The following HTRA4 variants were observed in gnomAD, a reference collection of about 807,000 sequenced individuals.
The protein encoded by HTRA4 is HtrA serine peptidase 4, also known as serine protease HTRA4.
In HTRA4, 46 loss-of-function variants were observed where a neutral mutation model predicts 49.1. The observed-to-expected ratio is 0.94, with a 90% CI of 0.74 to 1.20. The LOEUF (loss-of-function observed/expected upper bound fraction) is 1.20. Ranked by LOEUF, HTRA4 falls within the 50% of genes most tolerant of loss-of-function variation. The pLI is 0.00. For synonymous variants in HTRA4, 261 were observed against 264.0 expected, an observed-to-expected ratio of 0.99 and a Z score of 0.11; for missense variants, 602 against 636.9, an observed-to-expected ratio of 0.95 and a Z score of 0.59.
chr8:38,974,969 C>G, intron 1 of HTRA4, 62 bp from the exon 2 acceptor site: 2 of 1,582,140 alleles, frequency 1.3e-6, no homozygotes, highest in Non-Finnish European at 1.7e-6. Context: ...TAACATTTTT[C>G]CAACTAGGAT....
chr8:38,981,783 ATTT>A lies in HTRA4; in HGVS notation c.1114+27_1114+29del. The A allele has an allele frequency of 1.6e-5, 21 of 1,287,028 alleles. No individual in the cohort carries two copies. Among genetic ancestry groups the A allele is most frequent in the East Asian group, 2.6e-5 (1 of 38,240 alleles). 79.7% of individuals were successfully genotyped at this position (1,287,028 alleles called of 1,614,324 possible). A position where few individuals can be genotyped will look rare whatever the true frequency, so the allele number is the denominator to read the frequency against. On this transcript the variant is annotated intron_variant, in intron 6 of 8. Coordinates refer to ENST00000302495, the MANE Select transcript of HTRA4 (RefSeq NM_153692.4). The stretch of plus-strand genomic sequence containing the variant: ...CAGATGAAAGGTAAAGCAAGTTGGG[ATTT>A]TTTTTTTTTTGGTTTCGTCTTGTGC...
intron 4 of HTRA4, among the ~76,000 whole-genome samples, 194 bp downstream of exon 4, chr8:38,978,341 C>A (rs1317285467): frequency 6.6e-6 from 1 of 152,204 alleles, no homozygotes; most frequent in East Asian, 1.9e-4. Flanking sequence ...GTGAACTGCG[C>A]ATGCAAGGGA....
chr8:38,985,410 C>T (rs1048530427), intron 8 of HTRA4, among the ~76,000 whole-genome samples: 2 of 152,168 alleles, frequency 1.3e-5, no homozygotes, highest in South Asian at 2.1e-4. Flanking sequence ...CCGCCTGCCT[C>T]GGGCTCCCAA....
rs770278174 is a variant in HTRA4, at chr8:38,974,705, C to T, written c.442C>T (p.Gln148Ter). 1.5e-4 allele frequency: 212 copies of T among 1,425,262 alleles called. No individual in the cohort carries two copies. Among genetic ancestry groups the T allele is most frequent in the Non-Finnish European group, 1.8e-4 (194 of 1,099,690 alleles). The allele number at this position is 1,425,262 out of a possible 1,614,324, so 88.3% of individuals were successfully genotyped here. ...RLGKVPAVPV[Q>*]WGNCGDTGTR... Reference sequence around the variant, plus strand: ...GGGCAAGGTCCCGGCCGTGCCTGTGCAGTGGGGGAACTGCGGGGATACAGG... The same window carrying T: ...GGGCAAGGTCCCGGCCGTGCCTGTGTAGTGGGGGAACTGCGGGGATACAGG... Residue 148 changes from glutamine (Q) to a stop codon, truncating the protein, a stop_gained, in exon 1 of 9, where the codon CAG becomes TAG. Transcript: ENST00000302495. LOFTEE classifies it high-confidence loss of function.
intron 8 of HTRA4, among the ~76,000 whole-genome samples, chr8:38,986,522 G>A (rs1835484435): frequency 6.6e-6 from 1 of 152,188 alleles, no homozygotes; most frequent in African/African-American, 2.4e-5. Context: ...ACACGCCTGT[G>A]GCTCCCAAAG....
In HTRA4 at chr8:38,974,237, G is replaced by A; in HGVS notation, c.-27G>A. On this transcript the variant is annotated 5_prime_UTR_variant, in exon 1 of 9. Coordinates refer to ENST00000302495, the MANE Select transcript of HTRA4 (RefSeq NM_153692.4). ...TTTGCAGGTCCAGAGTAAAGTCACT[G>A]AAGAGTGGAAGCGAGGAAGGAACAG... 4 of 1,610,268 alleles carry A rather than the reference G, an allele frequency of 2.5e-6. No individual in the cohort carries two copies. In the South Asian group the frequency reaches 4.4e-5, roughly 18 times the overall value.
intron 8 of HTRA4, among the ~76,000 whole-genome samples, chr8:38,985,026 A>ACAGC (rs1835467542): frequency 6.6e-6 from 1 of 152,210 alleles, no homozygotes; most frequent in Non-Finnish European, 1.5e-5. Flanking sequence ...TGTGTAATAA[A>ACAGC]GCAAAGGCTA....
intron 2 of HTRA4, among the ~76,000 whole-genome samples, chr8:38,975,355 T>C (rs1372503504): frequency 6.6e-6 from 1 of 152,226 alleles, no homozygotes; most frequent in African/African-American, 2.4e-5. Flanking sequence ...TGGCTGGTGC[T>C]TTTTCCCCCT....
chr8:38,979,093 C>G (rs754046168), intron 4 of HTRA4, 122 bp from the exon 5 acceptor site: 63 of 888,652 alleles, frequency 7.1e-5, no homozygotes, highest in Non-Finnish European at 1.2e-4. Flanking sequence ...ATTTTGCCGG[C>G]CTGGGGGGAA....
At chr8:38,977,329 T>C (rs779942359) in intron 3 of HTRA4, among the ~76,000 whole-genome samples, 83 of 151,872 alleles carry the variant, frequency 5.5e-4, no homozygotes, top group Non-Finnish European at 6.2e-4. Flanking sequence ...TCTCTACTTG[T>C]CTTAGGATAT....
intron 2 of HTRA4, 118 bp downstream of exon 2, chr8:38,975,248 G>C: frequency 3.0e-6 from 3 of 1,014,082 alleles, no homozygotes; most frequent in Non-Finnish European, 4.5e-6. Context: ...AAACTGAGAC[G>C]TAAAGAGGTT....
chr8:38,982,100 G>A (rs370120908), intron 6 of HTRA4, among the ~76,000 whole-genome samples: 2 of 151,976 alleles, frequency 1.3e-5, no homozygotes, highest in East Asian at 1.9e-4. Flanking sequence ...CGCTTGCCTC[G>A]GCCTCCCAAA....
intron 8 of HTRA4, among the ~76,000 whole-genome samples, chr8:38,987,234 G>C (rs1173366971): frequency 1.3e-5 from 2 of 152,064 alleles, no homozygotes; most frequent in Non-Finnish European, 2.9e-5. Flanking sequence ...CAAATCACTG[G>C]CATGGCTATT....
chr8:38,982,612 C>A (rs1202147129), intron 7 of HTRA4, 57 bp downstream of exon 7: 2 of 1,527,612 alleles, frequency 1.3e-6, no homozygotes, highest in East Asian at 4.5e-5. Context: ...ACCATAGCTG[C>A]ACAGTCTTAA....
intron 4 of HTRA4, among the ~76,000 whole-genome samples, chr8:38,978,863 C>G (rs546476914): frequency 6.6e-6 from 1 of 152,016 alleles, no homozygotes; most frequent in Middle Eastern, 3.4e-3. Flanking sequence ...GGCATGGTGG[C>G]GGGTGCCTGT....
In HTRA4 at chr8:38,982,544, C is replaced by T. The variant is rs1564180340; in HGVS notation, c.1161C>T (p.Ser387=). 1.2e-6 allele frequency: 2 copies of T among 1,614,078 alleles called. No individual in the cohort carries two copies. The highest frequency in any genetic ancestry group is 1.1e-5 in the South Asian group (1 of 91,072). The change falls in exon 7 of 9, where the codon TCC becomes TCT. Residue 387 remains serine (S), a synonymous_variant. Transcript: ENST00000302495. ...NKKYLGLQML[S]LTVPLSEELK... ...AATATCTGGGTCTGCAAATGCTGTCCCTCACTGTGCCGTAAGCATGTGTTT... is the reference window on the plus strand; with the variant it reads ...AATATCTGGGTCTGCAAATGCTGTCTCTCACTGTGCCGTAAGCATGTGTTT...
chr8:38,976,457 G>A (rs186273602), intron 2 of HTRA4, 78 bp from the exon 3 acceptor site: 2 of 1,306,982 alleles, frequency 1.5e-6, no homozygotes, highest in East Asian at 2.3e-5. Flanking sequence ...TAAGAGTGAG[G>A]TTCCCATGAC....
rs1370468917 is a variant in HTRA4, at chr8:38,988,330, G to C, written c.*232G>C. The C allele has an allele frequency of 8.6e-6, 3 of 349,748 alleles. No individual in the cohort carries two copies. The highest frequency in any genetic ancestry group is 4.8e-5 in the Admixed American group (1 of 20,924). 21.7% of individuals were successfully genotyped at this position (349,748 alleles called of 1,614,324 possible). A position where few individuals can be genotyped will look rare whatever the true frequency, so the allele number is the denominator to read the frequency against. On this transcript the variant is annotated 3_prime_UTR_variant, in exon 9 of 9. Transcript: ENST00000302495. The stretch of plus-strand genomic sequence containing the variant: ...ATAAAAAGCAACAGTCCTCTGCAGG[G>C]ACATGGATGGAGCTGGAAACCATTA...
At chr8:38,976,875 C>A in intron 3 of HTRA4, 136 bp downstream of exon 3, 1 of 802,136 alleles carries the variant, frequency 1.2e-6, no homozygotes, top group Non-Finnish European at 2.0e-6. Flanking sequence ...TCTTTCTGTT[C>A]TTTACTCCCT....
Sources: gnomAD v4.1 joint callset for allele counts (sites outside exome capture counted in the v4.1 genomes callset) on GRCh38, gnomAD v4.1.1 for gene constraint, MANE v1.5 for transcripts, NCBI Gene and HGNC (gene_info 2026-07-23, HGNC 2026-07-21) for gene names.